Variants in PHACTR1 observed in about 807,000 individuals in gnomAD.
The protein encoded by PHACTR1 is RPEL repeat containing 1.
In PHACTR1, 16 loss-of-function variants were observed where a neutral mutation model predicts 69.2. That is an observed-to-expected ratio of 0.23 (90% CI 0.16 to 0.35). The LOEUF (loss-of-function observed/expected upper bound fraction) is 0.35, where lower values mean the gene tolerates loss of function less well. Ranked by LOEUF, PHACTR1 falls within the 10% of genes least tolerant of loss-of-function variation. The pLI is 1.00. For missense variants in PHACTR1, 510 were observed against 734.7 expected, an observed-to-expected ratio of 0.69 and a Z score of 3.54; for synonymous variants, 312 against 284.5, an observed-to-expected ratio of 1.10 and a Z score of -0.97.
At chr6:13,177,853 C>T (rs781749610) in intron 6 of PHACTR1, among the ~76,000 whole-genome samples, 2 of 152,214 alleles carry the variant, frequency 1.3e-5, no homozygotes, top group Non-Finnish European at 1.5e-5. Context: ...AATGAGCTAA[C>T]AGCAAACCTC....
At chr6:12,757,999 C>T (rs1180115266) in intron 4 of PHACTR1, among the ~76,000 whole-genome samples, 2 of 152,278 alleles carry the variant, frequency 1.3e-5, no homozygotes, top group East Asian at 3.9e-4. Context: ...GCAGTCCCAG[C>T]TCCTCTGGAG....
chr6:12,725,492 G>T (rs1345993680), intron 3 of PHACTR1, among the ~76,000 whole-genome samples: 2 of 152,108 alleles, frequency 1.3e-5, no homozygotes, highest in Non-Finnish European at 2.9e-5. Flanking sequence ...CTACACTACA[G>T]CCATTGTCAT....
chr6:13,236,931 G>A (rs1171804399), intron 10 of PHACTR1, among the ~76,000 whole-genome samples: 6 of 152,126 alleles, frequency 3.9e-5, no homozygotes, highest in Non-Finnish European at 8.8e-5. Flanking sequence ...GGGAGTGTTA[G>A]GAACAGGGGC....
At chr6:12,825,317 A>C (rs571495391) in intron 4 of PHACTR1, among the ~76,000 whole-genome samples, 1 of 115,470 alleles carries the variant, frequency 8.7e-6, no homozygotes, top group Non-Finnish European at 1.9e-5. Flanking sequence ...TCTCTCTCTC[A>C]AAAAAAAAAA....
At chr6:12,998,792 A>T (rs1008319206) in intron 4 of PHACTR1, among the ~76,000 whole-genome samples, 6 of 152,170 alleles carry the variant, frequency 3.9e-5, no homozygotes, top group African/African-American at 1.4e-4. Flanking sequence ...ACTAGAAGAA[A>T]AAAGAGTCTA....
chr6:13,022,382 A>G (rs1297423312), intron 4 of PHACTR1, among the ~76,000 whole-genome samples: 1 of 152,240 alleles, frequency 6.6e-6, no homozygotes, highest in East Asian at 1.9e-4. Flanking sequence ...TTAGTAAACT[A>G]TGGCCCATGG....
At chr6:13,254,099 A>G (rs1050472306) in intron 10 of PHACTR1, among the ~76,000 whole-genome samples, 4 of 152,112 alleles carry the variant, frequency 2.6e-5, no homozygotes, top group Non-Finnish European at 4.4e-5. Context: ...GTGGTGGCAC[A>G]TGCCTGTAGT....
intron 4 of PHACTR1, among the ~76,000 whole-genome samples, chr6:12,759,706 T>G (rs985150660): frequency 1.3e-5 from 2 of 152,146 alleles, no homozygotes; most frequent in African/African-American, 4.8e-5. Context: ...CACACAGTCA[T>G]AAAATATAGT....
chr6:12,912,337 G>GC (rs1348657482), intron 4 of PHACTR1, among the ~76,000 whole-genome samples: 1 of 152,148 alleles, frequency 6.6e-6, no homozygotes, highest in Non-Finnish European at 1.5e-5. Flanking sequence ...ACAAGGGTAG[G>GC]CCCCCAGGGG....
intron 7 of PHACTR1, among the ~76,000 whole-genome samples, chr6:13,197,819 T>A (rs1201256250): frequency 1.3e-5 from 2 of 152,136 alleles, no homozygotes; most frequent in Non-Finnish European, 2.9e-5. Context: ...TGGGATAATC[T>A]CCTCCTCCAC....
At chr6:12,844,258 G>A (rs1040279498) in intron 4 of PHACTR1, among the ~76,000 whole-genome samples, 3 of 152,156 alleles carry the variant, frequency 2.0e-5, no homozygotes, top group African/African-American at 7.2e-5. Context: ...TTAGCCGAAT[G>A]TAGCAGTACA....
chr6:13,070,550 G>A (rs1282642420), intron 5 of PHACTR1, among the ~76,000 whole-genome samples: 1 of 152,154 alleles, frequency 6.6e-6, no homozygotes, highest in Non-Finnish European at 1.5e-5. Context: ...GATTGGAATT[G>A]CAAGGCTGTC....
chr6:13,122,742 A>G (rs781094151), intron 5 of PHACTR1, among the ~76,000 whole-genome samples: 16 of 152,210 alleles, frequency 1.1e-4, no homozygotes, highest in Non-Finnish European at 1.8e-4. Flanking sequence ...ATTCCCTTAG[A>G]GAGTACATGG....
intron 4 of PHACTR1, among the ~76,000 whole-genome samples, chr6:13,005,750 C>T (rs1003270265): frequency 2.0e-5 from 3 of 152,040 alleles, no homozygotes; most frequent in Admixed American, 6.6e-5. Flanking sequence ...GTGAATTCGA[C>T]GTCATATTTC....
chr6:13,184,735 C>T (rs778292828), intron 7 of PHACTR1: 9 of 1,274,126 alleles, frequency 7.1e-6, no homozygotes, highest in African/African-American at 3.0e-5. Context: ...CTGTGTTCCC[C>T]GCTGGCCCCG....
At chr6:12,966,236 TA>T (rs1369621721) in intron 4 of PHACTR1, among the ~76,000 whole-genome samples, 2 of 152,174 alleles carry the variant, frequency 1.3e-5, no homozygotes, top group African/African-American at 4.8e-5. Context: ...GGCCAGCTGT[TA>T]CTTCCTGAGC....
At chr6:12,920,872 A>G (rs1161018476) in intron 4 of PHACTR1, among the ~76,000 whole-genome samples, 1 of 152,244 alleles carries the variant, frequency 6.6e-6, no homozygotes, top group East Asian at 1.9e-4. Flanking sequence ...AATAACTGCT[A>G]CCACTTTTGA....
intron 4 of PHACTR1, among the ~76,000 whole-genome samples, chr6:12,829,401 T>C (rs1208227879): frequency 6.6e-6 from 1 of 152,168 alleles, no homozygotes; most frequent in Non-Finnish European, 1.5e-5. Context: ...GACCAAATTG[T>C]TGCCTCAGGT....
intron 4 of PHACTR1, among the ~76,000 whole-genome samples, chr6:12,874,748 C>A (rs532077009): frequency 6.6e-6 from 1 of 152,310 alleles, no homozygotes; most frequent in South Asian, 2.1e-4. Context: ...CTTGAACCAA[C>A]AATTATAAGA....
Sources: gnomAD v4.1 joint callset for allele counts (sites outside exome capture counted in the v4.1 genomes callset) on GRCh38, gnomAD v4.1.1 for gene constraint, MANE v1.5 for transcripts, NCBI Gene and HGNC (gene_info 2026-07-23, HGNC 2026-07-21) for gene names.